The following SPOP variants were observed in gnomAD, a reference collection of about 807,000 sequenced individuals.
The protein encoded by SPOP is speckle type BTB/POZ protein.
SPOP carries 11 observed loss-of-function variants against 45.6 expected under a neutral mutation model. The ratio of observed to expected loss-of-function variants is 0.24; its 90% CI spans 0.15 to 0.40. The LOEUF (loss-of-function observed/expected upper bound fraction) is 0.40, where lower values mean the gene tolerates loss of function less well. SPOP is among the 10% of genes least tolerant of loss of function. The pLI is 1.00. For synonymous variants in SPOP, 166 were observed against 166.3 expected (o/e 1.00, Z 0.01); for missense variants, 152 against 465.6 (o/e 0.33, Z 6.20).
At position 49,668,943 on chromosome 17, in the gene SPOP, A is replaced by T. The variant is rs537035834; in HGVS notation, c.-67+8990T>A. On this transcript the variant is annotated intron_variant, in intron 1 of 9. Coordinates refer to ENST00000504102, the MANE Select transcript of SPOP (RefSeq NM_001007228.2). ...AGGCGCCCGCCACCATGCCCAGCTA[A>T]TTTTTTGTATTTTTAGTAGAGACGG... Among the ~76,000 whole-genome samples, 32 of 147,654 alleles carry T rather than the reference A, an allele frequency of 2.2e-4. No individual in the cohort carries two copies. The East Asian group carries it at 6.3e-3, about 29-fold the overall frequency.
At chr17:49,637,602 C>T (rs139061992) in intron 1 of SPOP, among the ~76,000 whole-genome samples, 299 of 152,270 alleles carry the variant, frequency 2.0e-3, no homozygotes, top group African/African-American at 6.8e-3. Flanking sequence ...CTGCCCACCT[C>T]GACCTCCCAA....
intron 1 of SPOP, among the ~76,000 whole-genome samples, chr17:49,665,256 C>A (rs2073037816): frequency 6.6e-6 from 1 of 152,076 alleles, no homozygotes; most frequent in Non-Finnish European, 1.5e-5. Flanking sequence ...TTTTTCTTTT[C>A]TTTAGGAAAA....
intron 1 of SPOP, among the ~76,000 whole-genome samples, chr17:49,643,977 A>G (rs1795914783): frequency 6.6e-6 from 1 of 152,150 alleles, no homozygotes; most frequent in Non-Finnish European, 1.5e-5. Flanking sequence ...AAAAAGTAGT[A>G]AAAGAAAGCT....
chr17:49,632,348 G>A (rs1006507791), intron 1 of SPOP, among the ~76,000 whole-genome samples: 7 of 152,194 alleles, frequency 4.6e-5, no homozygotes, highest in African/African-American at 1.7e-4. Context: ...GAAACGTACA[G>A]AGCTATGGGG....
At chr17:49,659,979 T>C (rs1260504553) in intron 1 of SPOP, among the ~76,000 whole-genome samples, 1 of 152,228 alleles carries the variant, frequency 6.6e-6, no homozygotes, top group African/African-American at 2.4e-5. Flanking sequence ...GAATTCTTTC[T>C]TTAACATACT....
At chr17:49,666,718 C>T (rs1237269390) in intron 1 of SPOP, among the ~76,000 whole-genome samples, 3 of 152,054 alleles carry the variant, frequency 2.0e-5, no homozygotes. Flanking sequence ...ATCCCAGCTA[C>T]TTGAGAGGCT....
chr17:49,665,532 G>A (rs564391684), intron 1 of SPOP, among the ~76,000 whole-genome samples: 13 of 150,098 alleles, frequency 8.7e-5, no homozygotes, highest in African/African-American at 3.2e-4. Flanking sequence ...GGAGAATGGC[G>A]TGAACCCAGG....
chr17:49,668,278 T>C (rs2073089533), intron 1 of SPOP, among the ~76,000 whole-genome samples: 2 of 152,156 alleles, frequency 1.3e-5, no homozygotes. Context: ...TGTGTAATAA[T>C]AAAAAACTCA....
At chr17:49,660,274 T>A (rs912973984) in intron 1 of SPOP, among the ~76,000 whole-genome samples, 5 of 152,170 alleles carry the variant, frequency 3.3e-5, no homozygotes, top group African/African-American at 1.2e-4. Flanking sequence ...TACCTCATGG[T>A]TTTTGCTATT....
Position 49,600,333 on chromosome 17 carries a change from C to G in SPOP, c.*45G>C. 1 of 1,610,124 alleles carries G rather than the reference C, an allele frequency of 6.2e-7. No homozygotes were observed. Among genetic ancestry groups the G allele is most frequent in the South Asian group, 1.1e-5 (1 of 90,920 alleles). ...TGGTGGTCAGTGGCAGCAACAGTGG[C>G]TGCTGCTTCTGGAAATTAAACGGAG... On this transcript the variant is annotated 3_prime_UTR_variant, in exon 10 of 10. Transcript: ENST00000504102. This position sits in a 1 kb window ranked among gnomAD's most constrained non-coding sequence, Gnocchi z 4.2.
chr17:49,599,242 C>T lies in SPOP; in HGVS notation c.*1136G>A, dbSNP rs2071695096. 9.1e-6 allele frequency: 2 copies of T among 220,292 alleles called. No homozygotes were observed. Among genetic ancestry groups the T allele is most frequent in the Non-Finnish European group, 1.8e-5 (2 of 110,270 alleles). 13.6% of individuals were successfully genotyped at this position (220,292 alleles called of 1,614,324 possible). A position where few individuals can be genotyped will look rare whatever the true frequency, so the allele number is the denominator to read the frequency against. On this transcript the variant is annotated 3_prime_UTR_variant, in exon 10 of 10. Transcript: ENST00000504102. ...AAGCAAGGGACTCAGACCCAAGAGA[C>T]AAGGCAGGTGAGTGAAACAAAAGAC...
In SPOP at chr17:49,669,562, C is replaced by G. The variant is rs548737329; in HGVS notation, c.-67+8371G>C. ...TGGGCGGATCACAAGGTCAGGAGAT[C>G]GAGACCATCCTGGCCAACATGGTGA... is the stretch of plus-strand genomic sequence containing the variant. On this transcript the variant is annotated intron_variant, in intron 1 of 9. Transcript: ENST00000504102. 4.7e-5 allele frequency among the ~76,000 whole-genome samples: 7 copies of G among 147,852 alleles called. No individual in the cohort carries two copies. The East Asian group carries it at 1.4e-3, about 30-fold the overall frequency.
At chr17:49,667,956 A>G (rs1332848228) in intron 1 of SPOP, 1 of 152,286 alleles carries the variant, frequency 6.6e-6, no homozygotes. Context: ...AACCTTAAGG[A>G]CACTGGGCTA....
intron 1 of SPOP, among the ~76,000 whole-genome samples, chr17:49,641,704 T>C (rs2072654522): frequency 1.3e-5 from 2 of 152,128 alleles, no homozygotes; most frequent in South Asian, 4.1e-4. Context: ...AAAAAGTTGA[T>C]ACAAACATAT....
intron 1 of SPOP, among the ~76,000 whole-genome samples, chr17:49,677,688 G>C (rs574390480): frequency 5.9e-5 from 9 of 152,242 alleles, no homozygotes; most frequent in Middle Eastern, 3.4e-3. Context: ...GGGAAATGAT[G>C]GGGGGGCTGA....
intron 1 of SPOP, among the ~76,000 whole-genome samples, chr17:49,647,516 T>C (rs975398986): frequency 6.6e-6 from 1 of 152,054 alleles, no homozygotes; most frequent in African/African-American, 2.4e-5. Flanking sequence ...AGTCTTGCTC[T>C]GTCACCCAGT....
chr17:49,674,774 G>A (rs2073179066), intron 1 of SPOP, among the ~76,000 whole-genome samples: 2 of 152,190 alleles, frequency 1.3e-5, no homozygotes, highest in Admixed American at 6.5e-5. Context: ...GTTAAAGGAA[G>A]AAATTGGAAT....
intron 7 of SPOP, 28 bp downstream of exon 7, chr17:49,607,846 A>C (rs773281195): frequency 6.2e-7 from 1 of 1,602,244 alleles, no homozygotes; most frequent in South Asian, 1.1e-5. Context: ...ACCTGGCTAA[A>C]CAGACATGTC....
At chr17:49,622,949 T>G (rs3815473) in intron 1 of SPOP, 73 bp from the exon 2 acceptor site, 53,841 of 684,902 alleles carry the variant, frequency 0.079, 2,537 homozygotes, top group Admixed American at 0.14. Context: ...TTTGACCTGA[T>G]AGAGGCTGGA....
Sources: allele counts gnomAD v4.1 joint callset (sites outside exome capture counted in the v4.1 genomes callset), GRCh38; gene constraint gnomAD v4.1.1; non-coding constraint Gnocchi (gnomAD v3.1); transcripts MANE v1.5; gene names NCBI Gene and HGNC (gene_info 2026-07-23, HGNC 2026-07-21).